FAT3: variants seen among roughly 807,000 people sequenced by gnomAD.
FAT3 encodes the protein FAT atypical cadherin 3, also known as protocadherin Fat 3.
Under a neutral mutation model 310.2 loss-of-function variants are expected in FAT3, and 95 were observed. The observed-to-expected ratio is 0.31, with a 90% CI of 0.26 to 0.36. The LOEUF (loss-of-function observed/expected upper bound fraction) is 0.36, where lower values mean the gene tolerates loss of function less well. Ranked by LOEUF, FAT3 falls within the 10% of genes least tolerant of loss-of-function variation. The probability of loss-of-function intolerance (pLI) is 1.00; values close to 1 mark genes in which losing one functional copy is unlikely to be tolerated. For synonymous variants in FAT3, 2,314 were observed against 2,192.9 expected (o/e 1.06, Z -1.54); for missense variants, 5,408 against 5,715.6 (o/e 0.95, Z 1.74).
At chr11:92,636,763 G>T (rs547383542) in intron 3 of FAT3, among the ~76,000 whole-genome samples, 56 of 152,286 alleles carry the variant, frequency 3.7e-4, no homozygotes, top group African/African-American at 1.3e-3. Context: ...AGACTATATT[G>T]CTCAGGAAGC....
chr11:92,860,443 A>G (rs1372646078), intron 21 of FAT3, among the ~76,000 whole-genome samples: 1 of 152,222 alleles, frequency 6.6e-6, no homozygotes, highest in Non-Finnish European at 1.5e-5. Flanking sequence ...TCTGTAGACC[A>G]GATTCAGCCT....
At chr11:92,570,500 C>T (rs1476110402) in intron 3 of FAT3, among the ~76,000 whole-genome samples, 1 of 152,052 alleles carries the variant, frequency 6.6e-6, no homozygotes, top group Non-Finnish European at 1.5e-5. Flanking sequence ...GTGGAATGGG[C>T]CCTTGTATAC....
chr11:92,821,209 A>G (rs924861842), intron 13 of FAT3, among the ~76,000 whole-genome samples: 1 of 152,248 alleles, frequency 6.6e-6, no homozygotes, highest in Admixed American at 6.5e-5. Context: ...GTCCAGAGAC[A>G]AAGAGACTTT....
intron 13 of FAT3, among the ~76,000 whole-genome samples, chr11:92,820,700 A>C (rs1947944243): frequency 6.6e-6 from 1 of 152,150 alleles, no homozygotes; most frequent in South Asian, 2.1e-4. Context: ...CCTCAAGAGA[A>C]ATGCTGAGCC....
At position 92,730,038 on chromosome 11, in the gene FAT3, A is replaced by G. The variant is rs114554806; in HGVS notation, c.3670-31818A>G. On this transcript the variant is annotated intron_variant, in intron 4 of 27. Transcript: ENST00000525166. ...TACATAAAACATACATAACATATAT[A>G]AAAATTGATTAAAATTAATGTATTT... Among the ~76,000 whole-genome samples, 930 of 152,268 alleles carry G rather than the reference A, an allele frequency of 6.1e-3. 14 individuals carry two copies. Among genetic ancestry groups the G allele is most frequent in the African/African-American group, 0.02 (851 of 41,556 alleles).
At chr11:92,513,530 T>C (rs1050317783) in intron 2 of FAT3, among the ~76,000 whole-genome samples, 13 of 152,124 alleles carry the variant, frequency 8.5e-5, no homozygotes, top group African/African-American at 2.7e-4. Context: ...ATAAGCAATT[T>C]AAAAATGCAC....
intron 2 of FAT3, among the ~76,000 whole-genome samples, chr11:92,433,569 T>C (rs1950851095): frequency 6.6e-6 from 1 of 152,150 alleles, no homozygotes; most frequent in Non-Finnish European, 1.5e-5. Context: ...GCACCCACTA[T>C]GTAACCAGTC....
chr11:92,592,012 G>A (rs1441087213), intron 3 of FAT3, among the ~76,000 whole-genome samples: 2 of 152,266 alleles, frequency 1.3e-5, no homozygotes, highest in East Asian at 3.9e-4. Context: ...GAACTCTAAT[G>A]TAAACCATGG....
Position 92,798,536 on chromosome 11 carries a change from T to C in FAT3, c.5523T>C (p.His1841=). The part of the protein sequence containing the change: ...GAIRTIANLD[H]ETIAHFHFHV... The stretch of plus-strand genomic sequence containing the variant: ...TCAGAACAATTGCCAACCTGGACCA[T>C]GAAACCATTGCCCATTTCCATTTTC... Residue 1841 remains histidine (H), a synonymous_variant, in exon 10 of 28, where the codon CAT becomes CAC. Coordinates refer to ENST00000525166, the MANE Select transcript of FAT3 (RefSeq NM_001367949.2). The C allele has an allele frequency of 6.2e-7, 1 of 1,613,792 alleles. No homozygotes were observed. Among genetic ancestry groups the C allele is most frequent in the South Asian group, 1.1e-5 (1 of 91,054 alleles).
Position 92,868,402 on chromosome 11 carries a change from C to A in FAT3, c.12127+1193C>A, listed in dbSNP as rs562091984. Among the ~76,000 whole-genome samples the A allele has an allele frequency of 9.2e-5, 14 of 152,298 alleles. No homozygotes were observed. The East Asian group carries it at 2.7e-3, about 29-fold the overall frequency. Reference sequence around the variant, plus strand: ...TTAAGAAATCTATTTGCTGTTTTTACTGTCTCAGCAGTGTATGTAAATAAA... The same window carrying A: ...TTAAGAAATCTATTTGCTGTTTTTAATGTCTCAGCAGTGTATGTAAATAAA... On this transcript the variant is annotated intron_variant, in intron 22 of 27. Transcript: ENST00000525166.
intron 22 of FAT3, among the ~76,000 whole-genome samples, chr11:92,875,899 A>G (rs1367645779): frequency 6.6e-6 from 1 of 152,206 alleles, no homozygotes; most frequent in East Asian, 1.9e-4. Context: ...GTAGTGTCTT[A>G]TTTTAAATTC....
At chr11:92,359,899 T>A (rs1237035978) in intron 2 of FAT3, among the ~76,000 whole-genome samples, 1 of 139,128 alleles carries the variant, frequency 7.2e-6, no homozygotes, top group Non-Finnish European at 1.5e-5. Flanking sequence ...TTTGGGTTGG[T>A]TCCAAGTCTT....
intron 3 of FAT3, among the ~76,000 whole-genome samples, chr11:92,567,375 G>A (rs1391551534): frequency 1.3e-5 from 2 of 150,866 alleles, no homozygotes; most frequent in Non-Finnish European, 2.9e-5. Flanking sequence ...TCATTAAAAA[G>A]TCAGGAATCA....
intron 4 of FAT3, among the ~76,000 whole-genome samples, chr11:92,705,391 G>T (rs1446885553): frequency 7.1e-6 from 1 of 140,750 alleles, no homozygotes; most frequent in African/African-American, 2.6e-5. Context: ...GGTGGTGGTG[G>T]TGGTGATGGT....
At chr11:92,584,236 A>G (rs1939007309) in intron 3 of FAT3, among the ~76,000 whole-genome samples, 1 of 152,056 alleles carries the variant, frequency 6.6e-6, no homozygotes, top group Non-Finnish European at 1.5e-5. Context: ...CTGTTCGTAC[A>G]TAGCTTCAAC....
At chr11:92,291,043 C>T (rs944320921) in intron 1 of FAT3, among the ~76,000 whole-genome samples, 2 of 151,122 alleles carry the variant, frequency 1.3e-5, no homozygotes, top group Non-Finnish European at 2.9e-5. Context: ...ATATCTAACA[C>T]TCATTAAGCT....
chr11:92,435,777 A>G (rs1186946), intron 2 of FAT3, among the ~76,000 whole-genome samples: 1 of 151,846 alleles, frequency 6.6e-6, no homozygotes. Context: ...GTGTTGGCCA[A>G]GCTGGTCTTG....
intron 2 of FAT3, among the ~76,000 whole-genome samples, chr11:92,475,515 G>A (rs1207430609): frequency 6.6e-6 from 1 of 151,806 alleles, no homozygotes; most frequent in Non-Finnish European, 1.5e-5. Context: ...GTGGTTTCAT[G>A]GCCCCCACAG....
chr11:92,845,391 A>G (rs1435885164), intron 19 of FAT3, among the ~76,000 whole-genome samples: 1 of 152,144 alleles, frequency 6.6e-6, no homozygotes, highest in Non-Finnish European at 1.5e-5. Context: ...GCAGGGAAAC[A>G]AGTTAGGAAG....
Sources: gnomAD v4.1 joint callset for allele counts (sites outside exome capture counted in the v4.1 genomes callset) on GRCh38, gnomAD v4.1.1 for gene constraint, MANE v1.5 for transcripts, NCBI Gene and HGNC (gene_info 2026-07-23, HGNC 2026-07-21) for gene names.